The following HGF variants were observed in gnomAD, a reference collection of about 807,000 sequenced individuals.
The protein encoded by HGF is hepatocyte growth factor, also known as fibroblast-derived tumor cytotoxic factor.
Under a neutral mutation model 111.6 loss-of-function variants are expected in HGF, and 39 were observed. That is an observed-to-expected ratio of 0.35 (90% CI 0.27 to 0.46). HGF has a LOEUF of 0.46. Ranked by LOEUF, HGF falls within the 20% of genes least tolerant of loss-of-function variation. HGF has a pLI of 1.00. For synonymous variants in HGF, 285 were observed against 294.8 expected (o/e 0.97, Z 0.34); for missense variants, 735 against 910.5 (o/e 0.81, Z 2.48).
rs1266552911 is a variant in HGF, at chr7:81,726,145, G to A, written c.1041-128C>T. 20 of 878,736 alleles carry A rather than the reference G, an allele frequency of 2.3e-5. No individual in the cohort carries two copies. In the East Asian group the frequency reaches 5.1e-4, roughly 22 times the overall value. The allele number at this position is 878,736 out of a possible 1,614,324, so 54.4% of individuals were successfully genotyped here. ...ATAGAGTTCTAACTTTTTGGACTCA[G>A]AATAGCTATAACAATTTAATATTCA... On this transcript the variant is annotated intron_variant, in intron 8 of 17. Transcript: ENST00000222390.
rs1789218345 is a variant in HGF at position 81,699,192 on chromosome 7, G to A, written c.*3389C>T. ...TTCCTATTTACATACAAGACAAACA[G>A]TCATAGCATCCACAGTATTTCATTT... On this transcript the variant is annotated 3_prime_UTR_variant, in exon 18 of 18. Coordinates refer to ENST00000222390, the MANE Select transcript of HGF (RefSeq NM_000601.6). 2 of 151,474 alleles carry A rather than the reference G, an allele frequency of 1.3e-5. No homozygotes were observed. 9.4% of individuals were successfully genotyped at this position (151,474 alleles called of 1,614,324 possible).
rs186939767 is a variant in HGF at position 81,722,933 on chromosome 7, G to A, written c.1169-2086C>T. 1.1e-4 allele frequency among the ~76,000 whole-genome samples: 17 copies of A among 149,932 alleles called. No individual in the cohort carries two copies. The East Asian group carries it at 1.4e-3, about 12-fold the overall frequency. On this transcript the variant is annotated intron_variant, in intron 9 of 17. Transcript: ENST00000222390. ...TCTATACTTTTAAATAATACCGAAC[G>A]TTTTTAAAGTGACTTTTTATATTTA...
chr7:81,739,747 A>G (rs1290179860), intron 7 of HGF, among the ~76,000 whole-genome samples: 1 of 152,098 alleles, frequency 6.6e-6, no homozygotes, highest in Non-Finnish European at 1.5e-5. Flanking sequence ...TAAGCAATCT[A>G]TGCCCAAAGG....
intron 1 of HGF, among the ~76,000 whole-genome samples, chr7:81,766,956 C>T (rs1029290429): frequency 6.6e-6 from 1 of 152,188 alleles, no homozygotes; most frequent in African/African-American, 2.4e-5. Flanking sequence ...ACAATATTCC[C>T]CATCACATGC....
At chr7:81,756,570 G>A in intron 4 of HGF, 1 of 159,780 alleles carries the variant, frequency 6.3e-6, no homozygotes, top group Non-Finnish European at 1.4e-5. Context: ...ATCCAATTTG[G>A]TCTTTAGGCG....
rs5745727 is a variant in HGF, at chr7:81,716,591, A to G, written c.1405+641T>C. Among the ~76,000 whole-genome samples, 1,510 of 152,208 alleles carry G rather than the reference A, an allele frequency of 9.9e-3. 26 individuals are homozygous for G. The highest frequency in any genetic ancestry group is 0.034 in the African/African-American group (1,419 of 41,530). On this transcript the variant is annotated intron_variant, in intron 11 of 17. Coordinates refer to ENST00000222390, the MANE Select transcript of HGF (RefSeq NM_000601.6). Reference sequence around the variant, plus strand: ...CTACTTTTTTCTCCTGAATTCTCACATCTTTTTCTTACTGATATCTAGGGA... The same window carrying G: ...CTACTTTTTTCTCCTGAATTCTCACGTCTTTTTCTTACTGATATCTAGGGA...
At chr7:81,723,870 C>T (rs1339914744) in intron 9 of HGF, among the ~76,000 whole-genome samples, 1 of 150,050 alleles carries the variant, frequency 6.7e-6, no homozygotes, top group Non-Finnish European at 1.5e-5. Context: ...AGATTTATAT[C>T]TATAGAAAAA....
At chr7:81,762,660 A>G (rs1172505566) in intron 2 of HGF, 47 bp downstream of exon 2, 3 of 1,294,458 alleles carry the variant, frequency 2.3e-6, no homozygotes, top group Non-Finnish European at 2.3e-6. Flanking sequence ...TAATACATGC[A>G]TGCTATATTT....
intron 11 of HGF, among the ~76,000 whole-genome samples, chr7:81,715,375 G>T (rs561532170): frequency 1.6e-4 from 25 of 151,768 alleles, no homozygotes; most frequent in Non-Finnish European, 3.1e-4. Context: ...TTTTTGTATG[G>T]CATTCTCTGA....
Position 81,702,520 on chromosome 7 carries a change from T to C in HGF, c.*61A>G. Reference sequence around the variant, plus strand: ...AAGTGACATTTTAAATTCCACATTCTCTGAAATCTTCATGTAAAAGACAGT... The same window carrying C: ...AAGTGACATTTTAAATTCCACATTCCCTGAAATCTTCATGTAAAAGACAGT... On this transcript the variant is annotated 3_prime_UTR_variant, in exon 18 of 18. Coordinates refer to ENST00000222390, the MANE Select transcript of HGF (RefSeq NM_000601.6). 1 of 1,329,176 alleles carries C rather than the reference T, an allele frequency of 7.5e-7. No homozygotes were observed. The highest frequency in any genetic ancestry group is 1.1e-6 in the Non-Finnish European group (1 of 923,274). The allele number at this position is 1,329,176 out of a possible 1,614,324, so 82.3% of individuals were successfully genotyped here.
intron 13 of HGF, among the ~76,000 whole-genome samples, chr7:81,709,355 A>G (rs1056854952): frequency 6.6e-6 from 1 of 152,174 alleles, no homozygotes; most frequent in Non-Finnish European, 1.5e-5. Flanking sequence ...GGTGTGTTGC[A>G]TGGTAAGGTT....
chr7:81,754,571 A>G (rs1313200698), intron 4 of HGF, among the ~76,000 whole-genome samples: 1 of 152,072 alleles, frequency 6.6e-6, no homozygotes, highest in Non-Finnish European at 1.5e-5. Context: ...ATTGGAGTTA[A>G]TAAAATCAAA....
chr7:81,727,029 G>A (rs887846697), intron 8 of HGF, among the ~76,000 whole-genome samples: 3 of 133,962 alleles, frequency 2.2e-5, no homozygotes, highest in Non-Finnish European at 4.7e-5. Context: ...TGGACCATTC[G>A]AAACTGAGGT....
At chr7:81,725,158 C>T (rs920540616) in intron 9 of HGF, among the ~76,000 whole-genome samples, 1 of 152,194 alleles carries the variant, frequency 6.6e-6, no homozygotes, top group Non-Finnish European at 1.5e-5. Context: ...TGTAATTTCT[C>T]CCTTCAGAGA....
At chr7:81,741,083 T>C (rs1474381147) in intron 7 of HGF, among the ~76,000 whole-genome samples, 1 of 152,220 alleles carries the variant, frequency 6.6e-6, no homozygotes, top group East Asian at 1.9e-4. Context: ...AAACATTATC[T>C]CTTATGGTTT....
At chr7:81,739,634 A>G (rs967164010) in intron 7 of HGF, among the ~76,000 whole-genome samples, 4 of 152,030 alleles carry the variant, frequency 2.6e-5, no homozygotes, top group South Asian at 2.1e-4. Flanking sequence ...GTGGGAGGGT[A>G]GAGGTGTTGA....
At chr7:81,720,025 A>G (rs1394958875) in intron 10 of HGF, among the ~76,000 whole-genome samples, 1 of 152,170 alleles carries the variant, frequency 6.6e-6, no homozygotes, top group Admixed American at 6.5e-5. Flanking sequence ...TTATGAAAAA[A>G]TCTGCTTTAG....
chr7:81,711,506 G>T lies in HGF; in HGVS notation c.1419C>A (p.Thr473=). The change falls in exon 12 of 18, where the codon ACC becomes ACA. Residue 473 remains threonine, a synonymous_variant. Coordinates refer to ENST00000222390, the MANE Select transcript of HGF (RefSeq NM_000601.6). ...GGTCTAAATTGACTATTGTAGGTGT[G>T]GTATCACCTTCACCTGTAAAAATAA... The part of the protein sequence containing the change: ...YCPISRCEGD[T]TPTIVNLDHP... The T allele has an allele frequency of 7.0e-7, 1 of 1,432,168 alleles. No individual in the cohort carries two copies. The highest frequency in any genetic ancestry group is 1.2e-5 in the South Asian group (1 of 83,668). 88.7% of individuals were successfully genotyped at this position (1,432,168 alleles called of 1,614,324 possible).
intron 9 of HGF, among the ~76,000 whole-genome samples, chr7:81,721,178 C>T (rs929998516): frequency 2.5e-4 from 38 of 152,050 alleles, no homozygotes; most frequent in African/African-American, 8.7e-4. Flanking sequence ...ACCCGGGAGG[C>T]GGAGCTTGCC....
Sources: allele counts gnomAD v4.1 joint callset (sites outside exome capture counted in the v4.1 genomes callset), GRCh38; gene constraint gnomAD v4.1.1; transcripts MANE v1.5; gene names NCBI Gene and HGNC (gene_info 2026-07-23, HGNC 2026-07-21).